Variants in BANP observed in about 807,000 individuals in gnomAD.
The protein encoded by BANP is BTG3 associated nuclear protein.
Under a neutral mutation model 68.1 loss-of-function variants are expected in BANP, and 11 were observed. The observed-to-expected ratio is 0.16, with a 90% CI of 0.10 to 0.27. The LOEUF (loss-of-function observed/expected upper bound fraction) is 0.27. Among genes scored for constraint, BANP ranks in the 10% least tolerant of loss-of-function variants. BANP has a pLI of 1.00. For synonymous variants in BANP, 329 were observed against 303.2 expected (o/e 1.09, Z -0.88); for missense variants, 504 against 722.7 (o/e 0.70, Z 3.47).
chr16:88,014,299 C>T (rs1365029273), intron 6 of BANP, among the ~76,000 whole-genome samples: 1 of 152,124 alleles, frequency 6.6e-6, no homozygotes, highest in Non-Finnish European at 1.5e-5. Context: ...CACTGGCCCT[C>T]AGTGAGTCCT....
At chr16:88,049,067 A>G (rs2082663107) in intron 11 of BANP, among the ~76,000 whole-genome samples, 2 of 152,040 alleles carry the variant, frequency 1.3e-5, no homozygotes, top group South Asian at 4.2e-4. Flanking sequence ...TTTTTTCTGG[A>G]CACAGCAAGC....
At chr16:88,066,152 G>A (rs897982879) in intron 12 of BANP, among the ~76,000 whole-genome samples, 3 of 152,204 alleles carry the variant, frequency 2.0e-5, no homozygotes, top group Admixed American at 6.5e-5. Flanking sequence ...AGAGCACCGA[G>A]GGCTCCAAAG....
intron 2 of BANP, among the ~76,000 whole-genome samples, chr16:87,980,218 A>G (rs2062986358): frequency 6.6e-6 from 1 of 152,246 alleles, no homozygotes; most frequent in Non-Finnish European, 1.5e-5. Context: ...TTGAACTTCT[A>G]TCTATAACTG....
intron 4 of BANP, among the ~76,000 whole-genome samples, chr16:87,998,788 G>A (rs1475527176): frequency 1.8e-4 from 23 of 125,310 alleles, no homozygotes; most frequent in South Asian, 5.4e-4. Context: ...ACGCACGTGC[G>A]CGGCTGTACT....
intron 11 of BANP, among the ~76,000 whole-genome samples, chr16:88,062,195 G>A (rs1731100178): frequency 6.6e-6 from 1 of 152,108 alleles, no homozygotes; most frequent in African/African-American, 2.4e-5. Flanking sequence ...AGGCATGGGG[G>A]GTGGGGTTCT....
At chr16:87,992,111 C>T (rs186013193) in intron 4 of BANP, among the ~76,000 whole-genome samples, 11 of 152,228 alleles carry the variant, frequency 7.2e-5, no homozygotes, top group East Asian at 1.9e-4. Context: ...CTGTATCTTC[C>T]GAGATGATGG....
chr16:88,066,825 G>A (rs2088771379), intron 12 of BANP, among the ~76,000 whole-genome samples: 3 of 152,082 alleles, frequency 2.0e-5, no homozygotes, highest in Non-Finnish European at 2.9e-5. Context: ...CCAGCGGTGC[G>A]GGCGCTCCCT....
In BANP at chr16:87,996,415, G is replaced by C. The variant is rs534794416; in HGVS notation, c.363-7880G>C. 1.1e-3 allele frequency among the ~76,000 whole-genome samples: 160 copies of C among 151,956 alleles called. 1 individual carries two copies. Among genetic ancestry groups the C allele is most frequent in the African/African-American group, 3.7e-3 (152 of 41,390 alleles). On this transcript the variant is annotated intron_variant, in intron 4 of 13. Transcript: ENST00000682872. ...CGGCTGGGCCCTCGTCCGGGTGCCA[G>C]CTGGGCTCTGGTTCTGAGTGTTGCT...
rs149283596 is a variant in BANP at position 87,984,021 on chromosome 16, A to T, written c.163-39A>T. 7,684 of 1,606,326 alleles carry T rather than the reference A, an allele frequency of 4.8e-3. 38 individuals are homozygous for T. The highest frequency in any genetic ancestry group is 5.9e-3 in the Non-Finnish European group (6,940 of 1,175,534). ...TCTTGGGGTTGTCTTCTTACAGTTC[A>T]GGAGACCCTTCCTAAAGCCGGTCTT... On this transcript the variant is annotated intron_variant, in intron 3 of 13. Coordinates refer to ENST00000682872, the MANE Select transcript of BANP (RefSeq NM_001386991.1).
chr16:88,028,766 C>T (rs2077505113), intron 8 of BANP, among the ~76,000 whole-genome samples: 1 of 152,208 alleles, frequency 6.6e-6, no homozygotes, highest in African/African-American at 2.4e-5. Context: ...GACTTGAATT[C>T]TGCTCTTGAA....
intron 1 of BANP, among the ~76,000 whole-genome samples, chr16:87,963,858 G>A (rs1256056827): frequency 6.6e-6 from 1 of 152,224 alleles, no homozygotes; most frequent in Non-Finnish European, 1.5e-5. Context: ...TTAAAGCCAA[G>A]TTTTCTGCCC....
rs553341512 is a variant in BANP, at chr16:87,964,542, G to A, written c.-68-10506G>A. Among the ~76,000 whole-genome samples the A allele has an allele frequency of 3.3e-5, 5 of 152,362 alleles. No homozygotes were observed. The South Asian group carries it at 1.0e-3, about 32-fold the overall frequency. On this transcript the variant is annotated intron_variant, in intron 1 of 13. Transcript: ENST00000682872. Reference sequence around the variant, plus strand: ...GGAGGCCCAAATGCAGGGGCCGAGTGAGCGTGGCGGGGAGGAGAGCCCCAG... The same window carrying A: ...GGAGGCCCAAATGCAGGGGCCGAGTAAGCGTGGCGGGGAGGAGAGCCCCAG...
intron 1 of BANP, among the ~76,000 whole-genome samples, chr16:87,962,346 T>C (rs1214257886): frequency 6.6e-6 from 1 of 151,866 alleles, no homozygotes; most frequent in Non-Finnish European, 1.5e-5. Context: ...AGCGTTAATA[T>C]GTAATGTGTT....
chr16:87,963,723 A>G (rs1207324443), intron 1 of BANP, among the ~76,000 whole-genome samples: 1 of 152,254 alleles, frequency 6.6e-6, no homozygotes, highest in Non-Finnish European at 1.5e-5. Context: ...AGGTAGCGAC[A>G]GAGAAGATCC....
chr16:88,017,799 T>C (rs945638184), intron 6 of BANP, among the ~76,000 whole-genome samples: 6 of 152,246 alleles, frequency 3.9e-5, no homozygotes, highest in Admixed American at 1.3e-4. Flanking sequence ...GTGGCCTCAC[T>C]GACAGTGCAG....
intron 7 of BANP, among the ~76,000 whole-genome samples, chr16:88,024,953 ATCT>A (rs1238404749): frequency 2.6e-5 from 4 of 152,326 alleles, no homozygotes; most frequent in Middle Eastern, 6.8e-3. Flanking sequence ...TTTTAGATTT[ATCT>A]TCTTTCCTGT....
intron 1 of BANP, among the ~76,000 whole-genome samples, chr16:87,967,944 C>A (rs553632403): frequency 6.7e-6 from 1 of 150,246 alleles, no homozygotes; most frequent in South Asian, 2.1e-4. Flanking sequence ...TTTAGTAAGA[C>A]AGGTTCACCG....
rs753807953 is a variant in BANP at position 88,003,706 on chromosome 16, C to T, written c.363-589C>T. 3.2e-5 allele frequency: 11 copies of T among 347,148 alleles called. No homozygotes were observed. The highest frequency in any genetic ancestry group is 5.6e-5 in the Non-Finnish European group (10 of 177,026). The allele number at this position is 347,148 out of a possible 1,614,324, so 21.5% of individuals were successfully genotyped here. The stretch of plus-strand genomic sequence containing the variant: ...GAATCTTTTCCTTCAAAGCAGAACC[C>T]TGAGCCCTTTGGTTGTAGCTCACAC... On this transcript the variant is annotated intron_variant, in intron 4 of 13. Coordinates refer to ENST00000682872, the MANE Select transcript of BANP (RefSeq NM_001386991.1). The surrounding 1 kb of genome is among the most constrained non-coding windows in gnomAD (Gnocchi z 6.1).
At chr16:88,065,404 G>T in intron 12 of BANP, 72 bp downstream of exon 12, 1 of 684,018 alleles carries the variant, frequency 1.5e-6, no homozygotes, top group South Asian at 1.6e-5. Context: ...AAAGACCCCC[G>T]CGATGACACT....
Sources: gnomAD v4.1 joint callset for allele counts (sites outside exome capture counted in the v4.1 genomes callset) on GRCh38, gnomAD v4.1.1 for gene constraint, Gnocchi (gnomAD v3.1) non-coding constraint, MANE v1.5 for transcripts, NCBI Gene and HGNC (gene_info 2026-07-23, HGNC 2026-07-21) for gene names.